The following TNR variants were observed in gnomAD, a reference collection of about 807,000 sequenced individuals.
TNR encodes tenascin R.
Under a neutral mutation model 150.4 loss-of-function variants are expected in TNR, and 45 were observed. That is an observed-to-expected ratio of 0.30 (90% CI 0.24 to 0.38). The LOEUF is 0.38. Among genes scored for constraint, TNR ranks in the 10% least tolerant of loss-of-function variants. The probability of loss-of-function intolerance (pLI) is 1.00; values close to 1 mark genes in which losing one functional copy is unlikely to be tolerated. For missense variants in TNR, 1,544 were observed against 1,759.1 expected, an observed-to-expected ratio of 0.88 and a Z score of 2.19; for synonymous variants, 687 against 678.4, an observed-to-expected ratio of 1.01 and a Z score of -0.20.
chr1:175,556,764 C>T (rs1240456562), intron 1 of TNR: 1 of 152,518 alleles, frequency 6.6e-6, no homozygotes, highest in Non-Finnish European at 1.5e-5. Context: ...GTGTCCTCAG[C>T]ACAGTCCCCT....
At chr1:175,654,112 A>G (rs1665098172) in intron 1 of TNR, among the ~76,000 whole-genome samples, 1 of 152,208 alleles carries the variant, frequency 6.6e-6, no homozygotes, top group Non-Finnish European at 1.5e-5. Context: ...ATGCTCCAAC[A>G]TATCCTTTTG....
chr1:175,441,919 A>C (rs1276419454), intron 2 of TNR, among the ~76,000 whole-genome samples: 1 of 152,240 alleles, frequency 6.6e-6, no homozygotes, highest in African/African-American at 2.4e-5. Context: ...AGTGTGAATT[A>C]CTAAAAAACA....
chr1:175,574,305 T>C (rs1317355846), intron 1 of TNR, among the ~76,000 whole-genome samples: 3 of 152,162 alleles, frequency 2.0e-5, no homozygotes, highest in Non-Finnish European at 4.4e-5. Context: ...AGACGTCCTG[T>C]CCCCATTGTC....
At chr1:175,568,895 G>A (rs16848669) in intron 1 of TNR, among the ~76,000 whole-genome samples, 5,729 of 152,180 alleles carry the variant, frequency 0.038, 384 homozygotes, top group African/African-American at 0.13. Context: ...CCTTCATTTT[G>A]ATGCCAAGAC....
chr1:175,724,022 G>A (rs908101784), intron 1 of TNR, among the ~76,000 whole-genome samples: 6 of 152,158 alleles, frequency 3.9e-5, no homozygotes, highest in South Asian at 2.1e-4. Context: ...TATATAAACT[G>A]TATATATTTC....
In TNR at chr1:175,663,563, G is replaced by C. The variant is rs530309989; in HGVS notation, c.-165+79663C>G. On this transcript the variant is annotated intron_variant, in intron 1 of 22. Coordinates refer to ENST00000367674, the MANE Select transcript of TNR (RefSeq NM_003285.3). ...TTCACCATGAACCAAGGATGTGATAGGATGAGAAAAAAAGCCAACTCTAAC... is the reference window on the plus strand; with the variant it reads ...TTCACCATGAACCAAGGATGTGATACGATGAGAAAAAAAGCCAACTCTAAC... Among the ~76,000 whole-genome samples, 76 of 152,258 alleles carry C rather than the reference G, an allele frequency of 5.0e-4. No individual in the cohort carries two copies. In the South Asian group the frequency reaches 0.015, roughly 29 times the overall value.
chr1:175,527,077 T>A (rs1481492277), intron 2 of TNR, among the ~76,000 whole-genome samples: 1 of 152,226 alleles, frequency 6.6e-6, no homozygotes, highest in East Asian at 1.9e-4. Flanking sequence ...AATGTCTTCA[T>A]TGTAATACAC....
chr1:175,410,405 G>A (rs915147346), intron 2 of TNR, among the ~76,000 whole-genome samples: 5 of 152,188 alleles, frequency 3.3e-5, no homozygotes, highest in Non-Finnish European at 7.3e-5. Flanking sequence ...TGGAGGAGAT[G>A]AAAACACAAG....
chr1:175,391,535 T>G, intron 6 of TNR, 97 bp from the exon 7 acceptor site: 1 of 1,378,612 alleles, frequency 7.3e-7, no homozygotes, highest in South Asian at 1.4e-5. Context: ...AATTGTGGAT[T>G]GTGAATTTAA....
intron 2 of TNR, among the ~76,000 whole-genome samples, chr1:175,515,801 G>A (rs1245002632): frequency 6.6e-6 from 1 of 152,166 alleles, no homozygotes; most frequent in Non-Finnish European, 1.5e-5. Flanking sequence ...GTCTGAATGG[G>A]GCTACAGGCA....
chr1:175,388,875 C>T (rs1324169085), intron 7 of TNR, among the ~76,000 whole-genome samples: 2 of 152,158 alleles, frequency 1.3e-5, no homozygotes, highest in African/African-American at 2.4e-5. Context: ...CCAAAAAATA[C>T]TGCAAATGTT....
intron 2 of TNR, among the ~76,000 whole-genome samples, chr1:175,470,386 G>A (rs1171222029): frequency 6.6e-6 from 1 of 152,112 alleles, no homozygotes; most frequent in Non-Finnish European, 1.5e-5. Context: ...ATGAGGGAGA[G>A]GTCGAAAGAG....
At chr1:175,725,695 G>T (rs573015735) in intron 1 of TNR, among the ~76,000 whole-genome samples, 1 of 152,230 alleles carries the variant, frequency 6.6e-6, no homozygotes, top group Non-Finnish European at 1.5e-5. Flanking sequence ...GACGAAGACA[G>T]TTTAAGGTGC....
chr1:175,475,244 G>T (rs962777429), intron 2 of TNR, among the ~76,000 whole-genome samples: 15 of 152,066 alleles, frequency 9.9e-5, no homozygotes, highest in South Asian at 4.1e-4. Flanking sequence ...TGGTCTCCTT[G>T]CTCCTAGCGT....
intron 16 of TNR, among the ~76,000 whole-genome samples, chr1:175,356,027 G>A (rs1226239356): frequency 6.6e-6 from 1 of 152,086 alleles, no homozygotes; most frequent in Non-Finnish European, 1.5e-5. Flanking sequence ...TAGATATCTA[G>A]CCTTTTAATA....
At chr1:175,574,330 C>T (rs1444211724) in intron 1 of TNR, among the ~76,000 whole-genome samples, 1 of 152,028 alleles carries the variant, frequency 6.6e-6, no homozygotes, top group Non-Finnish European at 1.5e-5. Flanking sequence ...TCTGTCTGCT[C>T]CTGTGGTTTT....
chr1:175,558,252 C>T (rs1427176382), intron 1 of TNR, among the ~76,000 whole-genome samples: 1 of 137,548 alleles, frequency 7.3e-6, no homozygotes, highest in Non-Finnish European at 1.6e-5. Context: ...TGCACATGTA[C>T]CCTAAAACTT....
intron 15 of TNR, among the ~76,000 whole-genome samples, chr1:175,357,319 C>T (rs927630709): frequency 2.2e-4 from 34 of 152,114 alleles, no homozygotes; most frequent in African/African-American, 7.7e-4. Context: ...TAGTTCAGGG[C>T]CAACTCCTCT....
At chr1:175,447,029 A>G (rs1407153176) in intron 2 of TNR, among the ~76,000 whole-genome samples, 5 of 152,146 alleles carry the variant, frequency 3.3e-5, no homozygotes, top group Non-Finnish European at 7.3e-5. Context: ...GGTATGTTAT[A>G]TGCATGTGCA....
Sources: allele counts gnomAD v4.1 joint callset (sites outside exome capture counted in the v4.1 genomes callset), GRCh38; gene constraint gnomAD v4.1.1; transcripts MANE v1.5; gene names NCBI Gene and HGNC (gene_info 2026-07-23, HGNC 2026-07-21).